The following CCDC171 variants were observed in gnomAD, a reference collection of about 807,000 sequenced individuals.
CCDC171 encodes the protein coiled-coil domain-containing protein 171.
Under a neutral mutation model 168.2 loss-of-function variants are expected in CCDC171, and 177 were observed. The ratio of observed to expected loss-of-function variants is 1.05; its 90% confidence interval spans 0.93 to 1.19. The LOEUF (loss-of-function observed/expected upper bound fraction) is 1.19. Ranked by LOEUF, CCDC171 falls within the 50% of genes most tolerant of loss-of-function variation. The pLI, the probability that CCDC171 is intolerant of heterozygous loss-of-function variation, is 0.00. For synonymous variants in CCDC171, 687 were observed against 540.8 expected (o/e 1.27, Z -3.75); for missense variants, 1,991 against 1,539.0 (o/e 1.29, Z -4.91).
the CCDC171 span, among the ~76,000 whole-genome samples, chr9:16,106,945 GA>G: frequency 6.6e-6 from 1 of 152,060 alleles, no homozygotes; most frequent in Non-Finnish European, 1.5e-5. Flanking sequence ...AAAACCGGGG[GA>G]CCCAGGCTGC....
At chr9:15,768,707 G>A (rs1402320842) in intron 18 of CCDC171, among the ~76,000 whole-genome samples, 2 of 152,096 alleles carry the variant, frequency 1.3e-5, no homozygotes, top group Non-Finnish European at 2.9e-5. Context: ...GGATATTTCA[G>A]TATAATGGGG....
intron 11 of CCDC171, among the ~76,000 whole-genome samples, chr9:15,702,374 A>G (rs2051824674): frequency 6.6e-6 from 1 of 152,022 alleles, no homozygotes; most frequent in Non-Finnish European, 1.5e-5. Flanking sequence ...GCCAATGCTC[A>G]TTTACCATTG....
At chr9:15,904,854 A>G (rs1822291412) in intron 24 of CCDC171, among the ~76,000 whole-genome samples, 3 of 151,940 alleles carry the variant, frequency 2.0e-5, no homozygotes, top group Admixed American at 2.0e-4. Flanking sequence ...AAAACAAAAA[A>G]AGGCAGGGGT....
At chr9:15,961,370 G>C (rs1163600161) in intron 25 of CCDC171, among the ~76,000 whole-genome samples, 1 of 152,164 alleles carries the variant, frequency 6.6e-6, no homozygotes, top group East Asian at 1.9e-4. Context: ...TGTGACATGT[G>C]TACATTTTGA....
intron 25 of CCDC171, among the ~76,000 whole-genome samples, chr9:15,949,010 G>T (rs1828779906): frequency 6.6e-6 from 1 of 152,148 alleles, no homozygotes; most frequent in African/African-American, 2.4e-5. Flanking sequence ...TAAGGTGTAA[G>T]GAAGGGATCC....
At chr9:15,832,351 G>T (rs1321630564) in intron 21 of CCDC171, among the ~76,000 whole-genome samples, 1 of 152,160 alleles carries the variant, frequency 6.6e-6, no homozygotes, top group East Asian at 1.9e-4. Flanking sequence ...ATTTAAGGAT[G>T]GGGCTGTGCT....
intron 21 of CCDC171, among the ~76,000 whole-genome samples, chr9:15,794,186 C>T (rs935482564): frequency 9.2e-5 from 14 of 151,928 alleles, no homozygotes; most frequent in Admixed American, 5.2e-4. Context: ...AATCATGGAC[C>T]GGGCATAGTG....
chr9:15,823,659 A>T (rs375726247), intron 21 of CCDC171, among the ~76,000 whole-genome samples: 11 of 152,246 alleles, frequency 7.2e-5, no homozygotes, highest in African/African-American at 2.6e-4. Flanking sequence ...AAAGCCAAAT[A>T]TATTTGTAAT....
intron 3 of CCDC171, among the ~76,000 whole-genome samples, chr9:15,993,232 G>T (rs993086637): frequency 6.6e-6 from 1 of 151,948 alleles, no homozygotes; most frequent in Admixed American, 6.6e-5. Flanking sequence ...GCATGGTACT[G>T]GTACCAAAAC....
At chr9:15,780,912 C>CT (rs1457621187) in intron 20 of CCDC171, among the ~76,000 whole-genome samples, 2 of 152,040 alleles carry the variant, frequency 1.3e-5, no homozygotes, top group African/African-American at 4.8e-5. Context: ...GATGTTTATA[C>CT]TTTTAAAAAC....
chr9:15,664,018 A>G (rs1490327138), intron 8 of CCDC171, among the ~76,000 whole-genome samples: 2 of 152,206 alleles, frequency 1.3e-5, no homozygotes, highest in Non-Finnish European at 2.9e-5. Flanking sequence ...AGAAACAGTC[A>G]AATACCACAT....
chr9:15,836,673 C>T (rs2060464722), intron 21 of CCDC171, among the ~76,000 whole-genome samples: 1 of 152,196 alleles, frequency 6.6e-6, no homozygotes, highest in Non-Finnish European at 1.5e-5. Flanking sequence ...AAGGTGTCTA[C>T]ATGGGACATT....
At chr9:15,981,858 C>A (rs545388114) in intron 3 of CCDC171, among the ~76,000 whole-genome samples, 1 of 152,128 alleles carries the variant, frequency 6.6e-6, no homozygotes, top group South Asian at 2.1e-4. Context: ...GAAAAAGCGT[C>A]TGAAGTTCTC....
intron 3 of CCDC171, among the ~76,000 whole-genome samples, chr9:16,012,570 AT>A (rs1017939641): frequency 5.3e-4 from 75 of 142,836 alleles, no homozygotes; most frequent in East Asian, 2.1e-3. Context: ...AACCCGGATA[AT>A]TTTTTTTTTC....
At chr9:15,617,674 C>A (rs897961249) in intron 6 of CCDC171, among the ~76,000 whole-genome samples, 5 of 152,130 alleles carry the variant, frequency 3.3e-5, no homozygotes, top group African/African-American at 1.2e-4. Flanking sequence ...CCACGCCCGG[C>A]CTGTGGGGGG....
At chr9:16,052,917 G>A (rs138242908) in intron 1 of CCDC171, among the ~76,000 whole-genome samples, 17 of 151,786 alleles carry the variant, frequency 1.1e-4, no homozygotes, top group African/African-American at 3.6e-4. Flanking sequence ...CCCATCACCC[G>A]GCTCGCCGTT....
At chr9:15,700,355 A>T (rs1353790382) in intron 11 of CCDC171, among the ~76,000 whole-genome samples, 1 of 152,158 alleles carries the variant, frequency 6.6e-6, no homozygotes, top group South Asian at 2.1e-4. Context: ...CGCCAAGCCC[A>T]CGCCCACCCG....
At chr9:15,594,251 G>A (rs1317136539) in intron 6 of CCDC171, 79 bp downstream of exon 6, 2 of 793,802 alleles carry the variant, frequency 2.5e-6, no homozygotes, top group African/African-American at 1.8e-5. Context: ...TGGGATAACT[G>A]ACTCGCTCAA....
the CCDC171 span, among the ~76,000 whole-genome samples, chr9:16,077,466 C>T: frequency 2.6e-5 from 4 of 152,130 alleles, no homozygotes; most frequent in Admixed American, 1.3e-4. Context: ...CTTGGCCAAG[C>T]GAATCACTTC....
Sources: gnomAD v4.1 joint callset for allele counts (sites outside exome capture counted in the v4.1 genomes callset) on GRCh38, gnomAD v4.1.1 for gene constraint, MANE v1.5 for transcripts, NCBI Gene and HGNC (gene_info 2026-07-23, HGNC 2026-07-21) for gene names.